The following ACOXL variants were observed in gnomAD, a reference collection of about 807,000 sequenced individuals.
ACOXL encodes acyl-CoA oxidase like, also known as acyl-coenzyme A oxidase-like protein.
A neutral mutation model predicts 71.9 loss-of-function variants in ACOXL; 70 were observed. The observed-to-expected ratio is 0.97, with a 90% confidence interval of 0.80 to 1.19. The LOEUF is 1.19. Among genes scored for constraint, ACOXL ranks in the 50% most tolerant of loss-of-function variants. ACOXL has a pLI of 0.00. For missense variants in ACOXL, 703 were observed against 736.3 expected (o/e 0.95, Z 0.52); for synonymous variants, 253 against 281.6 (o/e 0.90, Z 1.02).
chr2:110,874,291 T>G (rs1317218476), intron 10 of ACOXL, among the ~76,000 whole-genome samples: 5 of 152,182 alleles, frequency 3.3e-5, no homozygotes, highest in Admixed American at 2.6e-4. Flanking sequence ...GGCATCAGCA[T>G]GACAAGAAAT....
intron 16 of ACOXL, among the ~76,000 whole-genome samples, chr2:111,066,173 G>A (rs866357092): frequency 6.6e-6 from 1 of 152,148 alleles, no homozygotes; most frequent in Non-Finnish European, 1.5e-5. Context: ...TGTGGTATGT[G>A]CATACCATGA....
intron 11 of ACOXL, among the ~76,000 whole-genome samples, chr2:110,928,275 T>C (rs1161793272): frequency 6.6e-6 from 1 of 152,250 alleles, no homozygotes; most frequent in East Asian, 1.9e-4. Flanking sequence ...ACTCATTTAA[T>C]GTCTCAAGAC....
rs2066538802 is a variant in ACOXL at position 111,056,383 on chromosome 2, T to A, written c.1440+7095T>A. Among the ~76,000 whole-genome samples the A allele has an allele frequency of 3.3e-5, 5 of 152,200 alleles. No individual in the cohort carries two copies. The South Asian group carries it at 1.0e-3, about 32-fold the overall frequency. ...GCCTATGTCAAGTATTCTGCAAAGCTCAGCTCAAACCAACCCCCCAAATTA... is the reference window on the plus strand; with the variant it reads ...GCCTATGTCAAGTATTCTGCAAAGCACAGCTCAAACCAACCCCCCAAATTA... On this transcript the variant is annotated intron_variant, in intron 16 of 17. Transcript: ENST00000439055.
intron 17 of ACOXL, among the ~76,000 whole-genome samples, chr2:111,102,629 A>G (rs1249219219): frequency 6.6e-6 from 1 of 150,960 alleles, no homozygotes; most frequent in Non-Finnish European, 1.5e-5. Context: ...CTTGTACCTA[A>G]GAATAGCCAT....
At chr2:111,023,261 A>G (rs2064859277) in intron 14 of ACOXL, among the ~76,000 whole-genome samples, 1 of 152,136 alleles carries the variant, frequency 6.6e-6, no homozygotes, top group South Asian at 2.1e-4. Flanking sequence ...AAGCACGGTC[A>G]AATCACTCTA....
At chr2:110,954,121 G>A (rs905079427) in intron 12 of ACOXL, among the ~76,000 whole-genome samples, 1 of 152,156 alleles carries the variant, frequency 6.6e-6, no homozygotes, top group Non-Finnish European at 1.5e-5. Flanking sequence ...TTATGTAGTT[G>A]ACTCCCTTTA....
At chr2:110,923,929 T>A (rs1363672398) in intron 11 of ACOXL, among the ~76,000 whole-genome samples, 1 of 148,604 alleles carries the variant, frequency 6.7e-6, no homozygotes, top group Non-Finnish European at 1.5e-5. Context: ...AGAGCGAGAC[T>A]CCATCTCAAA....
chr2:110,975,708 A>T (rs1450142359), intron 12 of ACOXL, among the ~76,000 whole-genome samples: 1 of 152,058 alleles, frequency 6.6e-6, no homozygotes. Context: ...AACCCTAGGG[A>T]TGTGTGGCCA....
At position 110,891,929 on chromosome 2, in the gene ACOXL, A is replaced by G. The variant is rs546435231; in HGVS notation, c.789-16860A>G. 7.9e-5 allele frequency among the ~76,000 whole-genome samples: 12 copies of G among 152,104 alleles called. No individual in the cohort carries two copies. In the East Asian group the frequency reaches 2.3e-3, roughly 29 times the overall value. On this transcript the variant is annotated intron_variant, in intron 10 of 17. Transcript: ENST00000439055. ...AAGCCTTTTTGAAATGCATTCACTC[A>G]GGCTGTCATCTTGTGTTGCATTCTT...
chr2:111,057,791 A>G (rs943383372), intron 16 of ACOXL, among the ~76,000 whole-genome samples: 1 of 152,248 alleles, frequency 6.6e-6, no homozygotes, highest in African/African-American at 2.4e-5. Flanking sequence ...GAGCGCACAG[A>G]TGGCAGCAGT....
intron 9 of ACOXL, among the ~76,000 whole-genome samples, chr2:110,832,327 A>C (rs1304486170): frequency 6.6e-6 from 1 of 152,054 alleles, no homozygotes; most frequent in African/African-American, 2.4e-5. Flanking sequence ...TCATGAGGTC[A>C]GGAGATCGAG....
intron 1 of ACOXL, among the ~76,000 whole-genome samples, chr2:110,747,299 T>A (rs980163960): frequency 7.9e-5 from 12 of 152,106 alleles, no homozygotes; most frequent in African/African-American, 2.4e-4. Flanking sequence ...ATCCTTTGGG[T>A]GACCAATTGC....
intron 17 of ACOXL, among the ~76,000 whole-genome samples, chr2:111,102,625 C>A (rs1243245077): frequency 6.6e-6 from 1 of 151,072 alleles, no homozygotes; most frequent in African/African-American, 2.4e-5. Flanking sequence ...GAAACTTGTA[C>A]CTAAGAATAG....
chr2:111,092,369 C>T (rs2068572143), intron 16 of ACOXL, among the ~76,000 whole-genome samples: 2 of 152,104 alleles, frequency 1.3e-5, no homozygotes, highest in South Asian at 4.1e-4. Context: ...GTTTCAGAAA[C>T]ATAATAGGAA....
chr2:110,982,681 A>C (rs551399857), intron 12 of ACOXL, among the ~76,000 whole-genome samples: 1 of 152,356 alleles, frequency 6.6e-6, no homozygotes, highest in Non-Finnish European at 1.5e-5. Context: ...GAAATATAGG[A>C]TGCCCAGCTA....
intron 9 of ACOXL, among the ~76,000 whole-genome samples, chr2:110,810,037 T>C (rs927515770): frequency 6.6e-6 from 1 of 152,194 alleles, no homozygotes; most frequent in East Asian, 1.9e-4. Context: ...TCAGCCTGTC[T>C]GGTTCAGCTA....
chr2:110,906,304 G>A lies in ACOXL; in HGVS notation c.789-2485G>A, dbSNP rs549980141. On this transcript the variant is annotated intron_variant, in intron 10 of 17. Coordinates refer to ENST00000439055, the MANE Select transcript of ACOXL (RefSeq NM_001142807.4). ...TGTAATCCCAGCACGTTGGGAGGCCGAGGCGGGTGGATCACCTGAGTTCAG... is the reference window on the plus strand; with the variant it reads ...TGTAATCCCAGCACGTTGGGAGGCCAAGGCGGGTGGATCACCTGAGTTCAG... Among the ~76,000 whole-genome samples, 36 of 152,108 alleles carry A rather than the reference G, an allele frequency of 2.4e-4. 1 individual carries two copies. The South Asian group carries it at 7.1e-3, about 30-fold the overall frequency.
At chr2:110,963,794 G>A (rs748430085) in intron 12 of ACOXL, 4 of 1,563,060 alleles carry the variant, frequency 2.6e-6, no homozygotes, top group Non-Finnish European at 2.6e-6. Context: ...TTATCTGATT[G>A]CCTTCTTTAA....
intron 14 of ACOXL, among the ~76,000 whole-genome samples, chr2:111,022,130 A>G (rs2064791083): frequency 6.6e-6 from 1 of 152,158 alleles, no homozygotes; most frequent in African/African-American, 2.4e-5. Flanking sequence ...ACGCGAGCAG[A>G]TCACCTGAGG....
Sources: allele counts gnomAD v4.1 joint callset (sites outside exome capture counted in the v4.1 genomes callset), GRCh38; gene constraint gnomAD v4.1.1; transcripts MANE v1.5; gene names NCBI Gene and HGNC (gene_info 2026-07-23, HGNC 2026-07-21).